SMARCAL1: variants seen among roughly 807,000 people sequenced by gnomAD.
SMARCAL1 encodes SNF2 related chromatin remodeling annealing helicase 1.
A neutral mutation model predicts 94.5 loss-of-function variants in SMARCAL1; 58 were observed. That is an observed-to-expected ratio of 0.61 (90% CI 0.50 to 0.76). The LOEUF (loss-of-function observed/expected upper bound fraction) is 0.76. Among genes scored for constraint, SMARCAL1 ranks in the 30% least tolerant of loss-of-function variants. The pLI, the probability that SMARCAL1 is intolerant of heterozygous loss-of-function variation, is 0.00. For missense variants in SMARCAL1, 1,051 were observed against 1,177.9 expected (o/e 0.89, Z 1.58); for synonymous variants, 422 against 455.1 (o/e 0.93, Z 0.93).
intron 8 of SMARCAL1, 35 bp from the exon 9 acceptor site, chr2:216,435,303 G>A (rs762717437): frequency 3.0e-5 from 49 of 1,612,972 alleles, no homozygotes; most frequent in Non-Finnish European, 4.1e-5. Context: ...GTGCTGGGTG[G>A]TCATTGTAGC....
intron 7 of SMARCAL1, among the ~76,000 whole-genome samples, chr2:216,432,292 C>A (rs1461768230): frequency 6.6e-6 from 1 of 152,114 alleles, no homozygotes; most frequent in Non-Finnish European, 1.5e-5. Context: ...CCGCGCCCGA[C>A]CCTTTCCTTC....
intron 12 of SMARCAL1, among the ~76,000 whole-genome samples, chr2:216,453,743 C>T (rs1346162385): frequency 6.6e-6 from 1 of 152,154 alleles, no homozygotes; most frequent in Non-Finnish European, 1.5e-5. Context: ...CTTTTTAGTC[C>T]CAAGTTTCCT....
chr2:216,435,298 GGGT>G (rs1559127324), intron 8 of SMARCAL1, 37 bp from the exon 9 acceptor site: 1 of 1,610,900 alleles, frequency 6.2e-7, no homozygotes, highest in South Asian at 1.1e-5. Flanking sequence ...CTGCTGTGCT[GGGT>G]GGTCATTGTA....
At chr2:216,439,738 C>T (rs1694157580) in intron 10 of SMARCAL1, among the ~76,000 whole-genome samples, 1 of 152,160 alleles carries the variant, frequency 6.6e-6, no homozygotes, top group African/African-American at 2.4e-5. Flanking sequence ...ATGTCATGTG[C>T]CAAACCAAAG....
At chr2:216,425,363 C>T (rs755825411) in intron 6 of SMARCAL1, among the ~76,000 whole-genome samples, 2 of 152,194 alleles carry the variant, frequency 1.3e-5, no homozygotes, top group African/African-American at 4.8e-5. Context: ...TGGGCACCAG[C>T]GGCTGGATGA....
rs1574457714 is a variant in SMARCAL1 at position 216,434,096 on chromosome 2, C to T, written c.1485+1228C>T. ...GGTCAAGTGATCCTTCTGCCTTGGC[C>T]TCCCAAGTCTTGTGAATTCTGCCAG... On this transcript the variant is annotated intron_variant, in intron 8 of 17. Coordinates refer to ENST00000357276, the MANE Select transcript of SMARCAL1 (RefSeq NM_014140.4). Among the ~76,000 whole-genome samples the T allele has an allele frequency of 2.0e-5, 3 of 151,950 alleles. No homozygotes were observed. In the South Asian group the frequency reaches 6.2e-4, roughly 32 times the overall value.
intron 9 of SMARCAL1, among the ~76,000 whole-genome samples, chr2:216,436,698 G>C (rs1405852399): frequency 6.6e-6 from 1 of 152,226 alleles, no homozygotes; most frequent in African/African-American, 2.4e-5. Context: ...TTCCCAGGAT[G>C]ATGGGGATGG....
intron 8 of SMARCAL1, 99 bp downstream of exon 8, chr2:216,432,967 G>T: frequency 1.3e-6 from 2 of 1,483,394 alleles, no homozygotes; most frequent in Non-Finnish European, 1.9e-6. Flanking sequence ...GATCTTTAAG[G>T]ATCCTGTCTC....
chr2:216,429,620 A>C (rs943034848), intron 7 of SMARCAL1, among the ~76,000 whole-genome samples: 2 of 152,204 alleles, frequency 1.3e-5, no homozygotes, highest in Admixed American at 6.5e-5. Flanking sequence ...GTAGTTGAAC[A>C]TAGAGCCCTG....
chr2:216,424,155 T>G (rs1237613032), intron 6 of SMARCAL1, among the ~76,000 whole-genome samples: 1 of 152,148 alleles, frequency 6.6e-6, no homozygotes, highest in Non-Finnish European at 1.5e-5. Flanking sequence ...GGGGCAGAAG[T>G]CAAGGCCAGG....
intron 7 of SMARCAL1, among the ~76,000 whole-genome samples, chr2:216,429,571 G>C (rs762000775): frequency 2.6e-5 from 4 of 152,234 alleles, no homozygotes; most frequent in Admixed American, 6.5e-5. Context: ...AGGAAGTCTT[G>C]ATAGTCTGTC....
chr2:216,415,841 T>C (rs537721876), intron 3 of SMARCAL1: 6 of 419,914 alleles, frequency 1.4e-5, no homozygotes, highest in African/African-American at 4.0e-5. Context: ...ATTTTAGTTT[T>C]TAAGGTGATG....
chr2:216,447,114 C>T lies in SMARCAL1; in HGVS notation c.1807C>T (p.Pro603Ser), dbSNP rs1694334767. 5 of 1,614,058 alleles carry T rather than the reference C, an allele frequency of 3.1e-6. No homozygotes were observed. The East Asian group carries it at 1.1e-4, about 36-fold the overall frequency. Reference protein sequence around the residue: ...QIIAVKPTFFPQFHAFGLRYC... With the variant: ...QIIAVKPTFFSQFHAFGLRYC... Reference sequence around the variant, plus strand: ...CATCGCAGTCAAGCCAACTTTCTTCCCCCAGTTTCATGCCTTTGGACTTCG... The same window carrying T: ...CATCGCAGTCAAGCCAACTTTCTTCTCCCAGTTTCATGCCTTTGGACTTCG... Residue 603 changes from proline to serine, a missense_variant, in exon 11 of 18, where the codon CCC becomes TCC. Transcript: ENST00000357276.
intron 7 of SMARCAL1, among the ~76,000 whole-genome samples, chr2:216,431,779 A>G (rs1693969165): frequency 6.6e-6 from 1 of 152,226 alleles, no homozygotes; most frequent in South Asian, 2.1e-4. Context: ...ACTATTAGCA[A>G]GGGATGCTGC....
chr2:216,418,725 A>T (rs1266369997), intron 4 of SMARCAL1, among the ~76,000 whole-genome samples: 1 of 152,156 alleles, frequency 6.6e-6, no homozygotes, highest in Non-Finnish European at 1.5e-5. Flanking sequence ...CCTTTTTTCT[A>T]TGCGTTAAAA....
At chr2:216,462,160 C>G (rs1320339994) in intron 12 of SMARCAL1, among the ~76,000 whole-genome samples, 2 of 152,208 alleles carry the variant, frequency 1.3e-5, no homozygotes, top group Non-Finnish European at 2.9e-5. Context: ...TCTTCATACT[C>G]TCATCAACTC....
chr2:216,459,768 G>C (rs866241320), intron 12 of SMARCAL1, among the ~76,000 whole-genome samples: 41 of 152,042 alleles, frequency 2.7e-4, no homozygotes, highest in Middle Eastern at 3.4e-3. Context: ...TCAGGACATA[G>C]GCATGGGCAA....
chr2:216,432,836 G>A lies in SMARCAL1; in HGVS notation c.1453G>A (p.Val485Met). The A allele has an allele frequency of 1.2e-6, 2 of 1,614,200 alleles. No individual in the cohort carries two copies. The highest frequency in any genetic ancestry group is 8.5e-7 in the Non-Finnish European group (1 of 1,180,040). The change falls in exon 8 of 18, where the codon GTG becomes ATG. Residue 485 changes from valine to methionine, a missense_variant. Val to Met is a conservative substitution (Grantham distance 21). This residue lies in a region of SMARCAL1 where 642 missense variants were observed against 754.7 expected (regional missense o/e 0.85). Transcript: ENST00000357276. ...GAAGGAGTGGCCGCTCCTGGTGGTG[G>A]TGCCATCCTCCGTGCGCTTCACCTG... is the stretch of plus-strand genomic sequence containing the variant. ...YRKEWPLLVVVPSSVRFTWEQ... is the reference protein window; with the variant it reads ...YRKEWPLLVVMPSSVRFTWEQ...
In SMARCAL1 at chr2:216,420,320, C is replaced by T. The variant is rs1297497711; in HGVS notation, c.884C>T (p.Pro295Leu). ...SALMKAAQSL[P>L]TVNLQPLEWA... Reference sequence around the variant, plus strand: ...GCAGTGAAAGCAGCCCAGAGCCTCCCCACGGTCAACCTGCAGCCTCTGGAA... The same window carrying T: ...GCAGTGAAAGCAGCCCAGAGCCTCCTCACGGTCAACCTGCAGCCTCTGGAA... The change falls in exon 5 of 18, where the codon CCC becomes CTC. Residue 295 changes from proline (P) to leucine (L), a missense_variant. By Grantham distance (98) the Pro-to-Leu change is moderately conservative (BLOSUM62 -3). Transcript: ENST00000357276. 61 of 1,613,926 alleles carry T rather than the reference C, an allele frequency of 3.8e-5. No homozygotes were observed. The highest frequency in any genetic ancestry group is 5.2e-5 in the Non-Finnish European group (61 of 1,179,996).
Sources: gnomAD v4.1 joint callset for allele counts (sites outside exome capture counted in the v4.1 genomes callset) on GRCh38, gnomAD v4.1.1 for gene constraint, gnomAD v4.1.1 regional missense constraint, MANE v1.5 for transcripts, NCBI Gene and HGNC (gene_info 2026-07-23, HGNC 2026-07-21) for gene names.